Variants in MAP3K3 observed in about 807,000 individuals in gnomAD.
The protein encoded by MAP3K3 is MAP/ERK kinase kinase 3.
A neutral mutation model predicts 80.9 loss-of-function variants in MAP3K3; 12 were observed. The observed-to-expected ratio is 0.15, with a 90% confidence interval of 0.10 to 0.24. MAP3K3 has a LOEUF of 0.24. Ranked by LOEUF, MAP3K3 falls within the 10% of genes least tolerant of loss-of-function variation. MAP3K3 has a pLI of 1.00. For missense variants in MAP3K3, 596 were observed against 834.7 expected, an observed-to-expected ratio of 0.71 and a Z score of 3.52; for synonymous variants, 272 against 307.1, an observed-to-expected ratio of 0.89 and a Z score of 1.19.
At chr17:63,624,527 G>A (rs571011893) in intron 1 of MAP3K3, among the ~76,000 whole-genome samples, 11 of 152,194 alleles carry the variant, frequency 7.2e-5, no homozygotes, top group Non-Finnish European at 1.3e-4. Flanking sequence ...AAGTGTGTGA[G>A]TATATGGAGA....
chr17:63,662,294 G>A (rs1055267498), intron 5 of MAP3K3, among the ~76,000 whole-genome samples: 4 of 150,464 alleles, frequency 2.7e-5, no homozygotes, highest in Admixed American at 1.3e-4. Context: ...GCGTGCCTGT[G>A]GTCTTAGCTA....
chr17:63,638,494 G>A lies in MAP3K3; in HGVS notation c.126+5692G>A, dbSNP rs527981203. ...GCTGTTGAGTCCAGACTTTGAGAAG[G>A]TCATTTCTGCTTTAGTGTTATTGTC... On this transcript the variant is annotated intron_variant, in intron 2 of 15. Coordinates refer to ENST00000361733, the MANE Select transcript of MAP3K3 (RefSeq NM_002401.5). 5.9e-5 allele frequency among the ~76,000 whole-genome samples: 9 copies of A among 152,268 alleles called. No homozygotes were observed. In the South Asian group the frequency reaches 1.9e-3, roughly 32 times the overall value.
intron 6 of MAP3K3, among the ~76,000 whole-genome samples, chr17:63,675,365 C>T (rs1394689851): frequency 6.6e-6 from 1 of 152,226 alleles, no homozygotes; most frequent in Non-Finnish European, 1.5e-5. Context: ...TTTATACTTG[C>T]AGTGACCTGC....
At chr17:63,681,559 G>A (rs112456844) in intron 6 of MAP3K3, among the ~76,000 whole-genome samples, 37 of 152,286 alleles carry the variant, frequency 2.4e-4, no homozygotes, top group Middle Eastern at 3.4e-3. Context: ...CGGATATGCC[G>A]TAGTGCCTGC....
At chr17:63,645,455 G>C (rs1307373060) in intron 2 of MAP3K3, among the ~76,000 whole-genome samples, 1 of 152,224 alleles carries the variant, frequency 6.6e-6, no homozygotes, top group Non-Finnish European at 1.5e-5. Context: ...GGAAATCAAT[G>C]ATAGTGGTAC....
chr17:63,666,847 GC>G, intron 5 of MAP3K3, 92 bp from the exon 6 acceptor site: 1 of 1,431,034 alleles, frequency 7.0e-7, no homozygotes, highest in Non-Finnish European at 9.6e-7. Context: ...AGGTGGCTGA[GC>G]CTGCAGGGAG....
chr17:63,685,696 T>C (rs1342814484), intron 8 of MAP3K3, 106 bp downstream of exon 8: 3 of 882,538 alleles, frequency 3.4e-6, no homozygotes, highest in Non-Finnish European at 5.7e-6. Context: ...AACATCATGC[T>C]TCTAGGAAAA....
At chr17:63,670,094 C>A (rs1280724290) in intron 6 of MAP3K3, among the ~76,000 whole-genome samples, 1 of 150,610 alleles carries the variant, frequency 6.6e-6, no homozygotes, top group African/African-American at 2.4e-5. Flanking sequence ...CAGATCAAGA[C>A]CCTGTCTCAA....
intron 6 of MAP3K3, among the ~76,000 whole-genome samples, chr17:63,671,073 G>C (rs1024812218): frequency 7.9e-5 from 12 of 152,164 alleles, no homozygotes; most frequent in African/African-American, 2.9e-4. Flanking sequence ...GGCTAATGCA[G>C]TGGTCCAGGT....
intron 5 of MAP3K3, among the ~76,000 whole-genome samples, chr17:63,661,356 G>T (rs2034887784): frequency 6.6e-6 from 1 of 152,062 alleles, no homozygotes; most frequent in Non-Finnish European, 1.5e-5. Context: ...CAGTCTCTTT[G>T]TCTGAAAAGC....
chr17:63,689,030 A>G lies in MAP3K3; in HGVS notation c.871+149A>G. ...CTTGAGGCATGGGAGACAGGAAAAA[A>G]ACAAAAACAAAAACAGGGAAGATAG... On this transcript the variant is annotated intron_variant, in intron 10 of 15. Coordinates refer to ENST00000361733, the MANE Select transcript of MAP3K3 (RefSeq NM_002401.5). This position sits in a 1 kb window ranked among gnomAD's most constrained non-coding sequence, Gnocchi z 4.3. 1.6e-6 allele frequency: 1 copy of G among 618,242 alleles called. No individual in the cohort carries two copies. The highest frequency in any genetic ancestry group is 1.9e-5 in the South Asian group (1 of 52,242). The allele number at this position is 618,242 out of a possible 1,614,324, so 38.3% of individuals were successfully genotyped here. A position where few individuals can be genotyped will look rare whatever the true frequency, so the allele number is the denominator to read the frequency against.
At chr17:63,678,500 G>A (rs1161823325) in intron 6 of MAP3K3, among the ~76,000 whole-genome samples, 2 of 152,216 alleles carry the variant, frequency 1.3e-5, no homozygotes, top group African/African-American at 4.8e-5. Flanking sequence ...CCTGTTTTCA[G>A]AGCAATTTTG....
rs138328135 is a variant in MAP3K3 at position 63,670,100 on chromosome 17, C to T, written c.502+3040C>T. 8.4e-3 allele frequency among the ~76,000 whole-genome samples: 1,258 copies of T among 148,962 alleles called. 21 individuals carry two copies. The highest frequency in any genetic ancestry group is 0.029 in the African/African-American group (1,183 of 40,452). ...CCTGGGCAACAGATCAAGACCCTGT[C>T]TCAAAAAAAAAAAAAGTAATTACCA... is the stretch of plus-strand genomic sequence containing the variant. On this transcript the variant is annotated intron_variant, in intron 6 of 15. Coordinates refer to ENST00000361733, the MANE Select transcript of MAP3K3 (RefSeq NM_002401.5).
In MAP3K3 at chr17:63,691,056, G is replaced by A. The variant is rs2035576881; in HGVS notation, c.1213-46G>A. On this transcript the variant is annotated intron_variant, in intron 12 of 15. Transcript: ENST00000361733. This position sits in a 1 kb window ranked among gnomAD's most constrained non-coding sequence, Gnocchi z 4.8. The stretch of plus-strand genomic sequence containing the variant: ...AAGCTGAGCTGAACCCAGGCGGGCA[G>A]AACTAGGGCCCTGAGAGCTGAGGCG... 1 of 1,610,984 alleles carries A rather than the reference G, an allele frequency of 6.2e-7. No homozygotes were observed. Among genetic ancestry groups the A allele is most frequent in the Non-Finnish European group, 8.5e-7 (1 of 1,178,768 alleles).
chr17:63,628,153 GCCTCGGCCTCCC>G (rs2034142200), intron 1 of MAP3K3, among the ~76,000 whole-genome samples: 1 of 151,152 alleles, frequency 6.6e-6, no homozygotes, highest in Non-Finnish European at 1.5e-5. Flanking sequence ...TGATCTGCCT[GCCTCGGCCTCCC>G]AAAGTGCTGA....
At chr17:63,649,549 G>A (rs1415301216) in intron 3 of MAP3K3, among the ~76,000 whole-genome samples, 1 of 152,116 alleles carries the variant, frequency 6.6e-6, no homozygotes, top group Non-Finnish European at 1.5e-5. Context: ...CCTCCCAGGT[G>A]CCTGGGACAA....
At chr17:63,632,345 AT>A in intron 1 of MAP3K3, among the ~76,000 whole-genome samples, 1 of 152,216 alleles carries the variant, frequency 6.6e-6, no homozygotes, top group Admixed American at 6.5e-5. Flanking sequence ...TAAAAAAATC[AT>A]CCAGGCATGG....
At chr17:63,668,403 G>A (rs1457403795) in intron 6 of MAP3K3, 2 of 152,240 alleles carry the variant, frequency 1.3e-5, no homozygotes. Context: ...GGAATGTGTT[G>A]GTTGAGGATG....
Position 63,694,874 on chromosome 17 carries a change from CTT to C in MAP3K3, c.*1098_*1099del, listed in dbSNP as rs1464511779. On this transcript the variant is annotated 3_prime_UTR_variant, in exon 16 of 16. Coordinates refer to ENST00000361733, the MANE Select transcript of MAP3K3 (RefSeq NM_002401.5). ...TTCCTCAGCCAGCCTCGCCCATCCC[CTT>C]GAGGTCTCAGCCCCTTTCCCTTGTA... The C allele has an allele frequency of 1.9e-5, 3 of 154,134 alleles. No individual in the cohort carries two copies. The East Asian group carries it at 5.7e-4, about 29-fold the overall frequency. 9.5% of individuals were successfully genotyped at this position (154,134 alleles called of 1,614,324 possible).
Sources: allele counts gnomAD v4.1 joint callset (sites outside exome capture counted in the v4.1 genomes callset), GRCh38; gene constraint gnomAD v4.1.1; non-coding constraint Gnocchi (gnomAD v3.1); transcripts MANE v1.5; gene names NCBI Gene and HGNC (gene_info 2026-07-23, HGNC 2026-07-21).